Variants in SLC22A25 observed in about 807,000 individuals in gnomAD.
The protein encoded by SLC22A25 is solute carrier family 22 member 25.
In SLC22A25, 44 loss-of-function variants were observed where a neutral mutation model predicts 45.9. The observed-to-expected ratio is 0.96, with a 90% confidence interval of 0.75 to 1.23. SLC22A25 has a LOEUF of 1.23. SLC22A25 is among the 50% of genes most tolerant of loss of function. The pLI, the probability that SLC22A25 is intolerant of heterozygous loss-of-function variation, is 0.00. For missense variants in SLC22A25, 800 were observed against 666.4 expected (o/e 1.20, Z -2.21); for synonymous variants, 283 against 238.6 (o/e 1.19, Z -1.72).
intron 3 of SLC22A25, among the ~76,000 whole-genome samples, chr11:63,234,827 T>C (rs541624353): frequency 6.6e-6 from 1 of 152,182 alleles, no homozygotes; most frequent in Non-Finnish European, 1.5e-5. Flanking sequence ...TTTTAGGGCA[T>C]GCCTGGTGGT....
intron 9 of SLC22A25, among the ~76,000 whole-genome samples, chr11:63,172,297 G>A (rs2087916271): frequency 6.6e-6 from 1 of 152,072 alleles, no homozygotes; most frequent in Admixed American, 6.6e-5. Context: ...TGACAACTGG[G>A]ATCTAATTAA....
chr11:63,207,119 C>G (rs1248081226), intron 7 of SLC22A25, among the ~76,000 whole-genome samples: 1 of 152,078 alleles, frequency 6.6e-6, no homozygotes, highest in African/African-American at 2.4e-5. Context: ...AAAATTAACT[C>G]AGGATGAATT....
At chr11:63,201,783 A>C (rs2089251682) in intron 7 of SLC22A25, among the ~76,000 whole-genome samples, 1 of 148,830 alleles carries the variant, frequency 6.7e-6, no homozygotes, top group Non-Finnish European at 1.5e-5. Context: ...GATATTCAGA[A>C]TCTATAAGGA....
intron 7 of SLC22A25, among the ~76,000 whole-genome samples, chr11:63,203,265 A>G (rs1319758943): frequency 6.6e-6 from 1 of 151,962 alleles, no homozygotes; most frequent in Non-Finnish European, 1.5e-5. Flanking sequence ...AAGGATCACA[A>G]CTCCTTGGCA....
At chr11:63,182,609 A>G (rs1343396448) in intron 8 of SLC22A25, among the ~76,000 whole-genome samples, 1 of 151,838 alleles carries the variant, frequency 6.6e-6, no homozygotes, top group African/African-American at 2.4e-5. Context: ...TCACTATTCT[A>G]TTGGGATGCC....
At position 63,198,005 on chromosome 11, in the gene SLC22A25, C is replaced by T. The variant is rs575435732; in HGVS notation, c.831-14188G>A. ...ATCATCACTGGCCATCAGAGAAATG[C>T]AAATCAAAACCACAATGAGATACCA... On this transcript the variant is annotated intron_variant, in intron 7 of 11. Transcript: ENST00000306494. Among the ~76,000 whole-genome samples the T allele has an allele frequency of 3.9e-5, 6 of 152,276 alleles. No individual in the cohort carries two copies. The South Asian group carries it at 1.2e-3, about 32-fold the overall frequency.
In SLC22A25 at chr11:63,163,285, A is replaced by C. The variant is rs1122524; in HGVS notation, c.*539T>G. On this transcript the variant is annotated 3_prime_UTR_variant, in exon 12 of 12. Coordinates refer to ENST00000306494, the MANE Select transcript of SLC22A25 (RefSeq NM_199352.6). The stretch of plus-strand genomic sequence containing the variant: ...CTTTTCTCATTCTTCATTACTTAAA[A>C]AATTCCTTTACTTATCACTTCTTTT... Among the ~76,000 whole-genome samples, 64,185 of 152,092 alleles carry C rather than the reference A, an allele frequency of 0.42. 13,745 individuals carry two copies. The highest frequency in any genetic ancestry group is 0.57 in the East Asian group (2,925 of 5,174).
At chr11:63,167,942 C>T (rs761768884) in intron 9 of SLC22A25, 58 of 403,488 alleles carry the variant, frequency 1.4e-4, no homozygotes, top group African/African-American at 1.1e-3. Flanking sequence ...GCAGGTGCTC[C>T]TCTAAAATGA....
At chr11:63,196,146 T>G (rs11231405) in intron 7 of SLC22A25, among the ~76,000 whole-genome samples, 55,044 of 151,606 alleles carry the variant, frequency 0.36, 10,237 homozygotes, top group East Asian at 0.56. Flanking sequence ...AGGACCAGAC[T>G]GATTCACAGC....
chr11:63,215,124 C>T (rs559241566), intron 7 of SLC22A25, among the ~76,000 whole-genome samples: 7 of 152,286 alleles, frequency 4.6e-5, no homozygotes, highest in African/African-American at 1.7e-4. Flanking sequence ...TATAAAGACA[C>T]ATGCACACAT....
rs190939183 is a variant in SLC22A25 at position 63,229,733 on chromosome 11, T to G, written c.-81A>C. 2.6e-4 allele frequency: 357 copies of G among 1,384,236 alleles called. No homozygotes were observed. The highest frequency in any genetic ancestry group is 3.1e-4 in the Non-Finnish European group (313 of 1,021,054). The allele number at this position is 1,384,236 out of a possible 1,614,324, so 85.7% of individuals were successfully genotyped here. ...TCAAAGAGAAAATATTTCCTTTCCT[T>G]AAATCACACTAAGTGTGTGTGTTGA... is the stretch of plus-strand genomic sequence containing the variant. On this transcript the variant is annotated 5_prime_UTR_variant, in exon 4 of 12. Coordinates refer to ENST00000306494, the MANE Select transcript of SLC22A25 (RefSeq NM_199352.6).
chr11:63,178,966 A>G (rs944514574), intron 9 of SLC22A25, among the ~76,000 whole-genome samples: 1 of 147,906 alleles, frequency 6.8e-6, no homozygotes, highest in Non-Finnish European at 1.5e-5. Flanking sequence ...TAAGTCTGTA[A>G]TTTTTTTTTT....
At chr11:63,222,632 C>A (rs1330037674) in intron 5 of SLC22A25, among the ~76,000 whole-genome samples, 1 of 151,964 alleles carries the variant, frequency 6.6e-6, no homozygotes, top group African/African-American at 2.4e-5. Context: ...TGTCTGATTG[C>A]TCTAGTTAGG....
chr11:63,222,689 G>A lies in SLC22A25; in HGVS notation c.507-4954C>T, dbSNP rs751449085. Among the ~76,000 whole-genome samples, 52 of 152,004 alleles carry A rather than the reference G, an allele frequency of 3.4e-4. 1 individual carries two copies. Among genetic ancestry groups the A allele is most frequent in the Non-Finnish European group, 1.3e-4 (9 of 67,914 alleles). ...GGCAAGGGTGAATGTGGGCATCCTTGTTGTGTTTCAGATCTTAGAGAAAAG... is the reference window on the plus strand; with the variant it reads ...GGCAAGGGTGAATGTGGGCATCCTTATTGTGTTTCAGATCTTAGAGAAAAG... On this transcript the variant is annotated intron_variant, in intron 5 of 11. Coordinates refer to ENST00000306494, the MANE Select transcript of SLC22A25 (RefSeq NM_199352.6).
At chr11:63,222,884 A>G (rs572043829) in intron 5 of SLC22A25, among the ~76,000 whole-genome samples, 1 of 152,052 alleles carries the variant, frequency 6.6e-6, no homozygotes, top group South Asian at 2.1e-4. Flanking sequence ...TGAGATGATC[A>G]TCTGGTTTCT....
At chr11:63,218,408 C>G (rs1265315427) in intron 5 of SLC22A25, among the ~76,000 whole-genome samples, 4 of 152,148 alleles carry the variant, frequency 2.6e-5, no homozygotes, top group Non-Finnish European at 4.4e-5. Context: ...ACTATGCTAA[C>G]TACCTGGGTG....
intron 7 of SLC22A25, among the ~76,000 whole-genome samples, chr11:63,189,177 C>T (rs867119983): frequency 4.7e-4 from 71 of 151,966 alleles, no homozygotes; most frequent in African/African-American, 1.4e-3. Flanking sequence ...TGTGTGGGAG[C>T]CTAAGTCTCT....
At chr11:63,238,545 TA>T (rs1242751927) in intron 2 of SLC22A25, among the ~76,000 whole-genome samples, 171 bp downstream of exon 2, 2 of 152,240 alleles carry the variant, frequency 1.3e-5, no homozygotes, top group African/African-American at 4.8e-5. Context: ...TTGAAATCAC[TA>T]GACTTATAAA....
At chr11:63,231,010 ATGG>A (rs1231764610) in intron 3 of SLC22A25, among the ~76,000 whole-genome samples, 1 of 152,178 alleles carries the variant, frequency 6.6e-6, no homozygotes, top group Admixed American at 6.5e-5. Flanking sequence ...ATAGTATTCC[ATGG>A]TGTATATGTG....
Sources: allele counts gnomAD v4.1 joint callset (sites outside exome capture counted in the v4.1 genomes callset), GRCh38; gene constraint gnomAD v4.1.1; transcripts MANE v1.5; gene names NCBI Gene and HGNC (gene_info 2026-07-23, HGNC 2026-07-21).